Variants in CCSER2 observed in about 807,000 individuals in gnomAD.
CCSER2 encodes serine-rich coiled-coil domain-containing protein 2.
Under a neutral mutation model 92.3 loss-of-function variants are expected in CCSER2, and 46 were observed. The ratio of observed to expected loss-of-function variants is 0.50; its 90% CI spans 0.39 to 0.64. CCSER2 has a LOEUF of 0.64. CCSER2 is among the 30% of genes least tolerant of loss of function. The pLI is 0.00. For synonymous variants in CCSER2, 433 were observed against 431.4 expected (o/e 1.00, Z -0.04); for missense variants, 1,244 against 1,238.9 (o/e 1.00, Z -0.06).
Position 84,513,964 on chromosome 10 carries a change from TA to T in CCSER2, c.2846del (p.Lys949SerfsTer4). ...CATCTCCAAGTAGGACTCCCACTTG[TA>T]AAAAGTCACCAATAATCACAACATG... ...ESSPSRTPTC[K>X]KSPIITTCNS... On this transcript the variant is annotated frameshift_variant, in exon 10 of 10. Transcript: ENST00000372088. LOFTEE classifies it high-confidence loss of function. The T allele has an allele frequency of 6.5e-7, 1 of 1,536,628 alleles. No individual in the cohort carries two copies. Among genetic ancestry groups the T allele is most frequent in the Non-Finnish European group, 8.7e-7 (1 of 1,147,004 alleles).
chr10:84,395,804 A>G (rs905651562), intron 3 of CCSER2, among the ~76,000 whole-genome samples: 3 of 152,198 alleles, frequency 2.0e-5, no homozygotes, highest in Non-Finnish European at 4.4e-5. Flanking sequence ...TATGACCACA[A>G]AATATTCCAG....
intron 1 of CCSER2, among the ~76,000 whole-genome samples, chr10:84,370,260 G>A (rs1589463713): frequency 1.3e-5 from 2 of 152,300 alleles, no homozygotes; most frequent in South Asian, 2.1e-4. Context: ...TCTAATGCAT[G>A]AGTGTGGGAT....
At chr10:84,464,978 A>G (rs1846307100) in intron 7 of CCSER2, among the ~76,000 whole-genome samples, 1 of 152,194 alleles carries the variant, frequency 6.6e-6, no homozygotes, top group African/African-American at 2.4e-5. Context: ...AGAGTATAGT[A>G]CAGTAGTCAA....
At chr10:84,339,886 G>A (rs1003435703) in intron 1 of CCSER2, among the ~76,000 whole-genome samples, 10 of 151,974 alleles carry the variant, frequency 6.6e-5, no homozygotes, top group South Asian at 2.1e-4. Flanking sequence ...TTGTCGCCCA[G>A]TCTGGAGTGC....
intron 3 of CCSER2, 40 bp from the exon 4 acceptor site, chr10:84,417,731 A>T: frequency 1.1e-6 from 1 of 937,216 alleles, no homozygotes; most frequent in Non-Finnish European, 1.8e-6. Context: ...ATATCCTTAG[A>T]GCTAGATTAT....
intron 9 of CCSER2, among the ~76,000 whole-genome samples, chr10:84,480,885 A>G (rs754823537): frequency 6.6e-6 from 1 of 152,238 alleles, no homozygotes; most frequent in Non-Finnish European, 1.5e-5. Flanking sequence ...GTTGCTATTA[A>G]TATTTGGTTT....
chr10:84,380,834 A>G (rs7094623), intron 3 of CCSER2, among the ~76,000 whole-genome samples: 23,318 of 151,864 alleles, frequency 0.15, 1,846 homozygotes, highest in South Asian at 0.19. Flanking sequence ...AGCTGGGACT[A>G]CAGGTGCCTG....
At chr10:84,455,803 ATC>A in intron 6 of CCSER2, 1 of 1,041,958 alleles carries the variant, frequency 9.6e-7, no homozygotes, top group South Asian at 1.3e-5. Flanking sequence ...TCACAGACTT[ATC>A]TGACTGATCC....
intron 8 of CCSER2, among the ~76,000 whole-genome samples, chr10:84,472,063 AAAAAG>A: frequency 6.6e-6 from 1 of 152,124 alleles, no homozygotes; most frequent in Non-Finnish European, 1.5e-5. Flanking sequence ...AAAAGTTAAA[AAAAAG>A]ACGAAGTAGA....
chr10:84,477,302 A>G (rs1001231182), intron 8 of CCSER2, among the ~76,000 whole-genome samples: 3 of 152,226 alleles, frequency 2.0e-5, no homozygotes, highest in African/African-American at 4.8e-5. Context: ...ATGAGAGACC[A>G]CTGAATAGAC....
chr10:84,451,309 G>A (rs1178090247), intron 6 of CCSER2, among the ~76,000 whole-genome samples: 1 of 130,472 alleles, frequency 7.7e-6, no homozygotes. Context: ...TTGCTGTGTT[G>A]CCTGTGCTGG....
chr10:84,467,646 C>A (rs369860240), intron 7 of CCSER2, among the ~76,000 whole-genome samples: 2 of 152,170 alleles, frequency 1.3e-5, no homozygotes, highest in African/African-American at 2.4e-5. Flanking sequence ...CCACCTCCCC[C>A]CTACTGCCCA....
intron 3 of CCSER2, among the ~76,000 whole-genome samples, chr10:84,407,246 C>G (rs1842424257): frequency 6.6e-6 from 1 of 152,158 alleles, no homozygotes; most frequent in Non-Finnish European, 1.5e-5. Context: ...TACATTCTAC[C>G]AGATTTGGCC....
intron 6 of CCSER2, among the ~76,000 whole-genome samples, chr10:84,442,358 T>G (rs1308220618): frequency 6.6e-6 from 1 of 152,192 alleles, no homozygotes; most frequent in African/African-American, 2.4e-5. Context: ...CTTGGATTAG[T>G]TGGGGAAATT....
chr10:84,465,288 T>A lies in CCSER2; in HGVS notation c.2148+1272T>A, dbSNP rs1006261190. On this transcript the variant is annotated intron_variant, in intron 7 of 9. Transcript: ENST00000372088. ...GTGTGTGTGTGTGTGTGTGTGTGTG[T>A]GTGAAAAAGTTTTTTACATGTAAAG... Among the ~76,000 whole-genome samples, 594 of 81,220 alleles carry A rather than the reference T, an allele frequency of 7.3e-3. 18 individuals are homozygous for A. Among genetic ancestry groups the A allele is most frequent in the East Asian group, 0.028 (66 of 2,372 alleles). The allele number at this position is 81,220 out of a possible 152,430, so 53.3% of individuals were successfully genotyped here. A position where few individuals can be genotyped will look rare whatever the true frequency, so the allele number is the denominator to read the frequency against.
intron 3 of CCSER2, chr10:84,389,566 C>A: frequency 4.4e-6 from 1 of 227,642 alleles, no homozygotes; most frequent in South Asian, 5.0e-5. Flanking sequence ...TTGACTTTAC[C>A]TCGATACACC....
At position 84,371,636 on chromosome 10, in the gene CCSER2, C is replaced by T. The variant is rs1203758755; in HGVS notation, c.584C>T (p.Thr195Ile). The T allele has an allele frequency of 9.3e-6, 15 of 1,613,488 alleles. No homozygotes were observed. Among genetic ancestry groups the T allele is most frequent in the Non-Finnish European group, 1.3e-5 (15 of 1,179,628 alleles). Reference protein sequence around the residue: ...MQRPRANSCATRSSSGESLAQ... With the variant: ...MQRPRANSCAIRSSSGESLAQ... ...AGGCCTAGAGCGAACTCCTGTGCCACCAGAAGCAGTTCTGGAGAAAGCTTA... is the reference window on the plus strand; with the variant it reads ...AGGCCTAGAGCGAACTCCTGTGCCATCAGAAGCAGTTCTGGAGAAAGCTTA... The change falls in exon 2 of 10, where the codon ACC becomes ATC. Residue 195 changes from threonine (T) to isoleucine (I), a missense_variant. Thr to Ile is a moderately conservative substitution (Grantham distance 89). Coordinates refer to ENST00000372088, the MANE Select transcript of CCSER2 (RefSeq NM_001284240.2).
intron 4 of CCSER2, among the ~76,000 whole-genome samples, chr10:84,421,323 G>A (rs748721825): frequency 1.2e-4 from 19 of 152,288 alleles, no homozygotes; most frequent in Non-Finnish European, 2.5e-4. Context: ...ATAAAGAACT[G>A]CCTGAGACTG....
chr10:84,491,940 G>A (rs549998527), intron 9 of CCSER2, among the ~76,000 whole-genome samples: 23 of 152,188 alleles, frequency 1.5e-4, no homozygotes, highest in Non-Finnish European at 2.2e-4. Flanking sequence ...GATACTGTTC[G>A]TTAAATTTCA....
Sources: gnomAD v4.1 joint callset for allele counts (sites outside exome capture counted in the v4.1 genomes callset) on GRCh38, gnomAD v4.1.1 for gene constraint, MANE v1.5 for transcripts, NCBI Gene and HGNC (gene_info 2026-07-23, HGNC 2026-07-21) for gene names.